The following CYP4V2 variants were observed in gnomAD, a reference collection of about 807,000 sequenced individuals.
The protein encoded by CYP4V2 is cytochrome P450 family 4 subfamily V member 2.
Under a neutral mutation model 60.8 loss-of-function variants are expected in CYP4V2, and 55 were observed. That is an observed-to-expected ratio of 0.90 (90% CI 0.73 to 1.13). CYP4V2 has a LOEUF of 1.13. Ranked by LOEUF, CYP4V2 falls within the 50% of genes most tolerant of loss-of-function variation. CYP4V2 has a pLI of 0.00. For missense variants in CYP4V2, 675 were observed against 662.9 expected (o/e 1.02, Z -0.20); for synonymous variants, 239 against 236.8 (o/e 1.01, Z -0.08).
At chr4:186,197,472 A>G in intron 4 of CYP4V2, 61 bp from the exon 5 acceptor site, 1 of 1,551,638 alleles carries the variant, frequency 6.4e-7, no homozygotes, top group Non-Finnish European at 8.9e-7. Context: ...CCGCTGCAAA[A>G]TAAACACGAG....
chr4:186,197,957 CAG>C (rs1341745367), intron 5 of CYP4V2, among the ~76,000 whole-genome samples: 2 of 152,292 alleles, frequency 1.3e-5, no homozygotes, highest in Admixed American at 6.5e-5. Context: ...GATATTATAA[CAG>C]AATGTTAGCA....
chr4:186,205,340 A>G (rs1736466929), intron 8 of CYP4V2, 38 bp downstream of exon 8: 2 of 1,569,218 alleles, frequency 1.3e-6, no homozygotes, highest in Non-Finnish European at 1.8e-6. Flanking sequence ...TTGTGGTACT[A>G]AGTCTGCTGC....
At chr4:186,203,549 T>C (rs1022814098) in intron 7 of CYP4V2, 1 of 152,244 alleles carries the variant, frequency 6.6e-6, no homozygotes, top group South Asian at 2.1e-4. Flanking sequence ...CTCGGTGCTT[T>C]ACGTTTGCCT....
intron 3 of CYP4V2, 99 bp from the exon 4 acceptor site, chr4:186,196,841 C>G (rs1736161638): frequency 7.9e-7 from 1 of 1,260,128 alleles, no homozygotes; most frequent in Non-Finnish European, 1.1e-6. Context: ...ATTTTGTTGA[C>G]TTGCTATATT....
intron 1 of CYP4V2, among the ~76,000 whole-genome samples, chr4:186,193,095 A>G (rs1736038034): frequency 6.6e-6 from 1 of 151,912 alleles, no homozygotes; most frequent in Non-Finnish European, 1.5e-5. Flanking sequence ...TATCATCATG[A>G]CTGATGTAAC....
rs1278512539 is a variant in CYP4V2, at chr4:186,201,222, T to A, written c.867T>A (p.Ser289=). Residue 289 remains serine, a synonymous_variant, in exon 7 of 11, where the codon TCT becomes TCA. Transcript: ENST00000378802. ...NEDCRGDGRG[S]APSKNKRRAF... is the part of the protein sequence containing the mutation. ...ACTGTAGAGGTGATGGCAGGGGCTC[T>A]GCCCCCTCCAAAAATAAACGCAGGG... The A allele has an allele frequency of 6.2e-7, 1 of 1,614,186 alleles. No individual in the cohort carries two copies. Among genetic ancestry groups the A allele is most frequent in the South Asian group, 1.1e-5 (1 of 91,080 alleles).
Position 186,194,257 on chromosome 4 carries a change from A to G in CYP4V2, c.215-243A>G, listed in dbSNP as rs72646242. ...CAAAACCTAATAATTATTATTCTCT[A>G]ATAGCTAACATGCATTATGTGTGTT... is the stretch of plus-strand genomic sequence containing the variant. On this transcript the variant is annotated intron_variant, in intron 1 of 10. Transcript: ENST00000378802. Among the ~76,000 whole-genome samples, 2,300 of 152,302 alleles carry G rather than the reference A, an allele frequency of 0.015. 67 individuals are homozygous for G. Among genetic ancestry groups the G allele is most frequent in the African/African-American group, 0.053 (2,189 of 41,546 alleles).
At chr4:186,206,109 C>T (rs1736492342) in intron 8 of CYP4V2, among the ~76,000 whole-genome samples, 1 of 152,232 alleles carries the variant, frequency 6.6e-6, no homozygotes, top group Non-Finnish European at 1.5e-5. Flanking sequence ...TGGCTGCCAG[C>T]ATTTCTTGGC....
intron 1 of CYP4V2, 109 bp from the exon 2 acceptor site, chr4:186,194,391 C>A: frequency 1.1e-6 from 1 of 929,318 alleles, no homozygotes; most frequent in Non-Finnish European, 1.7e-6. Flanking sequence ...CTAACAGTAA[C>A]ATATTACAGA....
At chr4:186,206,127 C>T (rs1352142576) in intron 8 of CYP4V2, among the ~76,000 whole-genome samples, 1 of 152,186 alleles carries the variant, frequency 6.6e-6, no homozygotes, top group Admixed American at 6.5e-5. Context: ...GGCTGACAGC[C>T]GCATCACTGC....
Position 186,201,210 on chromosome 4 carries a change from T to C in CYP4V2, c.855T>C (p.Asp285=), listed in dbSNP as rs200103451. ...EMNANEDCRG[D]GRGSAPSKNK... ...ACGCCAATGAAGACTGTAGAGGTGA[T>C]GGCAGGGGCTCTGCCCCCTCCAAAA... The change falls in exon 7 of 11, where the codon GAT becomes GAC. Residue 285 remains aspartate, a synonymous_variant. Transcript: ENST00000378802. 2 of 1,614,186 alleles carry C rather than the reference T, an allele frequency of 1.2e-6. No individual in the cohort carries two copies. The highest frequency in any genetic ancestry group is 2.7e-5 in the African/African-American group (2 of 75,072).
At chr4:186,198,311 G>C (rs964066113) in intron 5 of CYP4V2, among the ~76,000 whole-genome samples, 2 of 152,148 alleles carry the variant, frequency 1.3e-5, no homozygotes, top group Non-Finnish European at 2.9e-5. Context: ...GGCAGGCAAC[G>C]GACAAAGAAA....
chr4:186,206,128 G>A (rs2126596582), intron 8 of CYP4V2, among the ~76,000 whole-genome samples: 1 of 152,304 alleles, frequency 6.6e-6, no homozygotes, highest in South Asian at 2.1e-4. Flanking sequence ...GCTGACAGCC[G>A]CATCACTGCT....
rs1325490365 is a variant in CYP4V2, at chr4:186,212,800, G to A, written c.*2159G>A. 6.6e-6 allele frequency: 1 copy of A among 152,174 alleles called. No individual in the cohort carries two copies. Among genetic ancestry groups the A allele is most frequent in the African/African-American group, 2.4e-5 (1 of 41,442 alleles). The allele number at this position is 152,174 out of a possible 1,614,324, so 9.4% of individuals were successfully genotyped here. ...CTGTAGCCTGGGCCATTTAAGACAGGGGCGGTCTCAGCCAAATTGCACCCA... is the reference window on the plus strand; with the variant it reads ...CTGTAGCCTGGGCCATTTAAGACAGAGGCGGTCTCAGCCAAATTGCACCCA... On this transcript the variant is annotated 3_prime_UTR_variant, in exon 11 of 11. Transcript: ENST00000378802.
In CYP4V2 at chr4:186,196,987, T is replaced by C; in HGVS notation, c.461T>C (p.Phe154Ser). The C allele has an allele frequency of 1.9e-6, 3 of 1,613,726 alleles. No individual in the cohort carries two copies. The highest frequency in any genetic ancestry group is 2.5e-6 in the Non-Finnish European group (3 of 1,179,986). Residue 154 changes from phenylalanine to serine, a missense_variant, in exon 4 of 11, where the codon TTC becomes TCC. Coordinates refer to ENST00000378802, the MANE Select transcript of CYP4V2 (RefSeq NM_207352.4). ...RSRRKMLTPTFHFTILEDFLD... is the reference protein window; with the variant it reads ...RSRRKMLTPTSHFTILEDFLD... ...AGGAGAAAGATGTTAACACCCACTT[T>C]CCATTTTACCATTCTGGAAGATTTC...
chr4:186,193,917 C>CAA (rs1301230965), intron 1 of CYP4V2, among the ~76,000 whole-genome samples: 3 of 152,208 alleles, frequency 2.0e-5, no homozygotes, highest in Non-Finnish European at 4.4e-5. Flanking sequence ...TCCATTGTGA[C>CAA]AAAGTCTGCC....
At chr4:186,208,235 G>C (rs1736589247) in intron 8 of CYP4V2, among the ~76,000 whole-genome samples, 1 of 146,134 alleles carries the variant, frequency 6.8e-6, no homozygotes, top group South Asian at 2.2e-4. Context: ...GTTCTTCTTT[G>C]AAGGGTATTT....
intron 8 of CYP4V2, among the ~76,000 whole-genome samples, chr4:186,208,439 A>T (rs1561437809): frequency 6.6e-6 from 1 of 151,850 alleles, no homozygotes; most frequent in Non-Finnish European, 1.5e-5. Context: ...GGTATTTAGC[A>T]TCCCCTGCCT....
At chr4:186,192,206 C>A in intron 1 of CYP4V2, 169 bp downstream of exon 1, 1 of 845,710 alleles carries the variant, frequency 1.2e-6, no homozygotes, top group Non-Finnish European at 1.9e-6. Flanking sequence ...CACCCGCCGA[C>A]ACTGCTAGTG....
Sources: allele counts gnomAD v4.1 joint callset (sites outside exome capture counted in the v4.1 genomes callset), GRCh38; gene constraint gnomAD v4.1.1; transcripts MANE v1.5; gene names NCBI Gene and HGNC (gene_info 2026-07-23, HGNC 2026-07-21).